DCPS: variants seen among roughly 807,000 people sequenced by gnomAD.
DCPS encodes the protein m7GpppX diphosphatase.
Under a neutral mutation model 34.7 loss-of-function variants are expected in DCPS, and 27 were observed. That is an observed-to-expected ratio of 0.78 (90% CI 0.57 to 1.07). The LOEUF (loss-of-function observed/expected upper bound fraction) is 1.07, where lower values mean the gene tolerates loss of function less well. Among genes scored for constraint, DCPS ranks in the 50% least tolerant of loss-of-function variants. DCPS has a pLI of 0.00. For missense variants in DCPS, 464 were observed against 436.9 expected (o/e 1.06, Z -0.55); for synonymous variants, 185 against 185.7 (o/e 1.00, Z 0.03).
At chr11:126,310,035 C>G (rs1040229376) in intron 2 of DCPS, among the ~76,000 whole-genome samples, 2 of 152,308 alleles carry the variant, frequency 1.3e-5, no homozygotes, top group South Asian at 4.1e-4. Flanking sequence ...ATTTTTACCA[C>G]TCAAAGTGTG....
In DCPS at chr11:126,347,475, C is replaced by T. The variant is rs1219635751; in HGVS notation, c.*1862C>T. ...CTGGCCTCAGGTGATCCACCCATCT[C>T]GGCCTCCCAAAGTGCTGGGATTCCA... On this transcript the variant is annotated 3_prime_UTR_variant, in exon 6 of 6. Coordinates refer to ENST00000263579, the MANE Select transcript of DCPS (RefSeq NM_014026.6). This position sits in a 1 kb window ranked among gnomAD's most constrained non-coding sequence, Gnocchi z 4.2. 7.2e-5 allele frequency among the ~76,000 whole-genome samples: 11 copies of T among 152,090 alleles called. No individual in the cohort carries two copies. The highest frequency in any genetic ancestry group is 1.4e-4 in the African/African-American group (6 of 41,422).
rs763808337 is a variant in DCPS at position 126,304,154 on chromosome 11, C to A, written c.74C>A (p.Thr25Lys). 3.2e-5 allele frequency: 51 copies of A among 1,614,138 alleles called. No individual in the cohort carries two copies. Among genetic ancestry groups the A allele is most frequent in the Non-Finnish European group, 3.9e-5 (46 of 1,180,054 alleles). The change falls in exon 1 of 6, where the codon ACA becomes AAA. Residue 25 changes from threonine (T) to lysine (K), a missense_variant. Transcript: ENST00000263579. ...LDVEEAHAAS[T>K]EEKEAGVGNG... ...GTGGAGGAGGCCCACGCCGCCAGCA[C>A]AGAGGAAAAGGAGGCAGGAGTTGGA...
At position 126,328,041 on chromosome 11, in the gene DCPS, G is replaced by A. The variant is rs965138060; in HGVS notation, c.377-3364G>A. On this transcript the variant is annotated intron_variant, in intron 2 of 5. Transcript: ENST00000263579. The surrounding 1 kb of genome is among the most constrained non-coding windows in gnomAD (Gnocchi z 6.6). Reference sequence around the variant, plus strand: ...AGCAGAGGCCTGGATGAAGCGAGGAGCAGCGTGGCTCGTTGGGTAGGAGGG... The same window carrying A: ...AGCAGAGGCCTGGATGAAGCGAGGAACAGCGTGGCTCGTTGGGTAGGAGGG... 6.6e-6 allele frequency among the ~76,000 whole-genome samples: 1 copy of A among 152,238 alleles called. No homozygotes were observed. Among genetic ancestry groups the A allele is most frequent in the Non-Finnish European group, 1.5e-5 (1 of 68,040 alleles).
At chr11:126,341,023 T>C (rs934264773) in intron 4 of DCPS, 3 of 152,268 alleles carry the variant, frequency 2.0e-5, no homozygotes, top group Non-Finnish European at 4.4e-5. Context: ...AAAACAACTA[T>C]TGTTGCTATT....
intron 2 of DCPS, among the ~76,000 whole-genome samples, chr11:126,316,519 G>A (rs1260961480): frequency 2.0e-5 from 3 of 151,948 alleles, no homozygotes; most frequent in African/African-American, 7.3e-5. Context: ...ATCTGGACAG[G>A]TGATTCTTTA....
At position 126,344,438 on chromosome 11, in the gene DCPS, G is replaced by T. The variant is rs907903975; in HGVS notation, c.748-909G>T. Among the ~76,000 whole-genome samples the T allele has an allele frequency of 6.6e-6, 1 of 152,204 alleles. No homozygotes were observed. Among genetic ancestry groups the T allele is most frequent in the African/African-American group, 2.4e-5 (1 of 41,450 alleles). Reference sequence around the variant, plus strand: ...GCCAACACTTTGACCTGCCCTAGCAGCTCAGACAGCTCCACCCTGGCAGAC... The same window carrying T: ...GCCAACACTTTGACCTGCCCTAGCATCTCAGACAGCTCCACCCTGGCAGAC... On this transcript the variant is annotated intron_variant, in intron 5 of 5. Coordinates refer to ENST00000263579, the MANE Select transcript of DCPS (RefSeq NM_014026.6). The surrounding 1 kb of genome is among the most constrained non-coding windows in gnomAD (Gnocchi z 8.1).
rs546663539 is a variant in DCPS, at chr11:126,342,906, C to T, written c.637-401C>T. ...CAGCCTGGCCAATATGGTGAAACCC[C>T]ATCTCTACTAAAAATATAAAGAGCA... On this transcript the variant is annotated intron_variant, in intron 4 of 5. Coordinates refer to ENST00000263579, the MANE Select transcript of DCPS (RefSeq NM_014026.6). This position sits in a 1 kb window ranked among gnomAD's most constrained non-coding sequence, Gnocchi z 4.4. Among the ~76,000 whole-genome samples the T allele has an allele frequency of 1.5e-3, 234 of 152,086 alleles. No homozygotes were observed. Among genetic ancestry groups the T allele is most frequent in the African/African-American group, 5.4e-3 (223 of 41,478 alleles).
intron 2 of DCPS, among the ~76,000 whole-genome samples, chr11:126,310,022 C>T (rs914685458): frequency 1.6e-4 from 25 of 152,162 alleles, no homozygotes; most frequent in African/African-American, 5.6e-4. Flanking sequence ...ACCTCTGTTC[C>T]AGATTTTTAC....
Position 126,331,453 on chromosome 11 carries a change from A to T in DCPS, c.425A>T (p.Lys142Met). 2 of 1,614,144 alleles carry T rather than the reference A, an allele frequency of 1.2e-6. No homozygotes were observed. The highest frequency in any genetic ancestry group is 1.7e-6 in the Non-Finnish European group (2 of 1,180,012). Residue 142 changes from lysine (K) to methionine (M), a missense_variant, in exon 3 of 6, where the codon AAG (lysine) becomes ATG (methionine). By Grantham distance (95) the Lys-to-Met change is moderately conservative (BLOSUM62 -1). Transcript: ENST00000263579. The surrounding 1 kb of genome is among the most constrained non-coding windows in gnomAD (Gnocchi z 7.2). ...VYPATEKHLQ[K>M]YLRQDLRLIR... ...CCTGCCACAGAGAAACACCTGCAGA[A>T]GTACCTGCGCCAGGACCTCCGCCTG...
chr11:126,328,784 G>A lies in DCPS; in HGVS notation c.377-2621G>A, dbSNP rs1441904245. ...CAACCCAGGCAACGGAGGCAACAGC[G>A]GAGAGAATCCAAGCTAGCCTGGGGG... On this transcript the variant is annotated intron_variant, in intron 2 of 5. Coordinates refer to ENST00000263579, the MANE Select transcript of DCPS (RefSeq NM_014026.6). This position sits in a 1 kb window ranked among gnomAD's most constrained non-coding sequence, Gnocchi z 6.6. Among the ~76,000 whole-genome samples the A allele has an allele frequency of 6.6e-6, 1 of 152,204 alleles. No homozygotes were observed. Among genetic ancestry groups the A allele is most frequent in the South Asian group, 2.1e-4 (1 of 4,838 alleles).
At chr11:126,310,423 G>A (rs1211992634) in intron 2 of DCPS, among the ~76,000 whole-genome samples, 3 of 152,286 alleles carry the variant, frequency 2.0e-5, no homozygotes, top group African/African-American at 7.2e-5. Flanking sequence ...CCTATGCCGC[G>A]TACCGTAGCT....
chr11:126,341,317 C>T (rs895274112), intron 4 of DCPS: 2 of 152,262 alleles, frequency 1.3e-5, no homozygotes, highest in African/African-American at 2.4e-5. Flanking sequence ...GACTGATGGG[C>T]CACCTTCTGG....
In DCPS at chr11:126,323,018, G is replaced by T. The variant is rs889701740; in HGVS notation, c.377-8387G>T. On this transcript the variant is annotated intron_variant, in intron 2 of 5. Transcript: ENST00000263579. The surrounding 1 kb of genome is among the most constrained non-coding windows in gnomAD (Gnocchi z 4.4). ...AATTTATTATTTTTTGTAGAGATGG[G>T]GTCTTGCCATGTAGCGCAGGCTGGT... 2.6e-5 allele frequency among the ~76,000 whole-genome samples: 4 copies of T among 152,048 alleles called. No homozygotes were observed. The highest frequency in any genetic ancestry group is 9.7e-5 in the African/African-American group (4 of 41,386).
rs189378645 is a variant in DCPS at position 126,330,464 on chromosome 11, C to G, written c.377-941C>G. On this transcript the variant is annotated intron_variant, in intron 2 of 5. Coordinates refer to ENST00000263579, the MANE Select transcript of DCPS (RefSeq NM_014026.6). ...AATTGACTTGTTTAATCCTCCCAGC[C>G]TTATGACACAGGAGCTTTTACTATC... Among the ~76,000 whole-genome samples the G allele has an allele frequency of 2.1e-3, 318 of 152,042 alleles. 1 individual carries two copies. The highest frequency in any genetic ancestry group is 7.2e-3 in the African/African-American group (297 of 41,448).
rs561188457 is a variant in DCPS at position 126,333,231 on chromosome 11, C to G, written c.522+1681C>G. Among the ~76,000 whole-genome samples the G allele has an allele frequency of 6.6e-6, 1 of 152,160 alleles. No individual in the cohort carries two copies. On this transcript the variant is annotated intron_variant, in intron 3 of 5. Coordinates refer to ENST00000263579, the MANE Select transcript of DCPS (RefSeq NM_014026.6). This position sits in a 1 kb window ranked among gnomAD's most constrained non-coding sequence, Gnocchi z 5.7. ...CACTACTCTTCCAACTCCTGACTGA[C>G]GGGAGCCGTTCATGTATTCCTTCTT...
chr11:126,331,890 G>C lies in DCPS; in HGVS notation c.522+340G>C, dbSNP rs186393731. 5.6e-3 allele frequency among the ~76,000 whole-genome samples: 854 copies of C among 152,284 alleles called. 42 individuals carry two copies. Among genetic ancestry groups the C allele is most frequent in the Admixed American group, 0.053 (810 of 15,294 alleles). On this transcript the variant is annotated intron_variant, in intron 3 of 5. Transcript: ENST00000263579. The surrounding 1 kb of genome is among the most constrained non-coding windows in gnomAD (Gnocchi z 7.2). ...GCGAGAGAAGGCTTTGGGGGTGGGG[G>C]AACTGATGCTGGTCTTGGTCCCACC...
chr11:126,339,093 T>C (rs1233967622), intron 4 of DCPS, among the ~76,000 whole-genome samples: 3 of 152,238 alleles, frequency 2.0e-5, no homozygotes, highest in Non-Finnish European at 4.4e-5. Flanking sequence ...TTTTATACCC[T>C]GACAGGGTCA....
rs542207775 is a variant in DCPS, at chr11:126,337,941, G to C, written c.523-345G>C. Reference sequence around the variant, plus strand: ...CCTGAGTCCTGTGAGCGGTGGAGGGGGTCACTGCTATAGAGGGCAGACACA... The same window carrying C: ...CCTGAGTCCTGTGAGCGGTGGAGGGCGTCACTGCTATAGAGGGCAGACACA... On this transcript the variant is annotated intron_variant, in intron 3 of 5. Coordinates refer to ENST00000263579, the MANE Select transcript of DCPS (RefSeq NM_014026.6). This position sits in a 1 kb window ranked among gnomAD's most constrained non-coding sequence, Gnocchi z 5.3. The C allele has an allele frequency of 2.0e-5, 5 of 251,392 alleles. No homozygotes were observed. The Admixed American group carries it at 2.4e-4, about 12-fold the overall frequency. 15.6% of individuals were successfully genotyped at this position (251,392 alleles called of 1,614,324 possible). A position where few individuals can be genotyped will look rare whatever the true frequency, so the allele number is the denominator to read the frequency against.
Position 126,319,203 on chromosome 11 carries a change from A to C in DCPS, c.377-12202A>C, listed in dbSNP as rs1433414964. 6.6e-6 allele frequency among the ~76,000 whole-genome samples: 1 copy of C among 151,928 alleles called. No individual in the cohort carries two copies. The highest frequency in any genetic ancestry group is 2.4e-5 in the African/African-American group (1 of 41,352). On this transcript the variant is annotated intron_variant, in intron 2 of 5. Coordinates refer to ENST00000263579, the MANE Select transcript of DCPS (RefSeq NM_014026.6). The surrounding 1 kb of genome is among the most constrained non-coding windows in gnomAD (Gnocchi z 4.5). Reference sequence around the variant, plus strand: ...CACTATCATCATTCTCGCCGCTAGAACATCCTGTAGATGAAGAGCTGCTGC... The same window carrying C: ...CACTATCATCATTCTCGCCGCTAGACCATCCTGTAGATGAAGAGCTGCTGC...
Sources: gnomAD v4.1 joint callset for allele counts (sites outside exome capture counted in the v4.1 genomes callset) on GRCh38, gnomAD v4.1.1 for gene constraint, Gnocchi (gnomAD v3.1) non-coding constraint, MANE v1.5 for transcripts, NCBI Gene and HGNC (gene_info 2026-07-23, HGNC 2026-07-21) for gene names.